Variants in SEMA4F observed in about 807,000 individuals in gnomAD.
The protein encoded by SEMA4F is ssemaphorin 4F, also known as semaphorin-4F.
SEMA4F carries 51 observed loss-of-function variants against 78.4 expected under a neutral mutation model. The ratio of observed to expected loss-of-function variants is 0.65; its 90% confidence interval spans 0.52 to 0.82. The LOEUF (loss-of-function observed/expected upper bound fraction) is 0.82. Ranked by LOEUF, SEMA4F falls within the 40% of genes least tolerant of loss-of-function variation. The pLI is 0.00. For synonymous variants in SEMA4F, 418 were observed against 408.7 expected (o/e 1.02, Z -0.27); for missense variants, 938 against 1,014.4 (o/e 0.92, Z 1.02).
the SEMA4F span, among the ~76,000 whole-genome samples, chr2:74,707,583 T>C: frequency 6.6e-6 from 1 of 152,066 alleles, no homozygotes; most frequent in Non-Finnish European, 1.5e-5. Context: ...CCCTCTTGCC[T>C]GAAACAATAA....
At chr2:74,660,099 A>C (rs1684352050) in intron 4 of SEMA4F, among the ~76,000 whole-genome samples, 1 of 152,238 alleles carries the variant, frequency 6.6e-6, no homozygotes, top group Non-Finnish European at 1.5e-5. Context: ...GCTCTGATGA[A>C]GACTTGGTAT....
In SEMA4F at chr2:74,656,024, T is replaced by G. The variant is rs566354026; in HGVS notation, c.146-510T>G. ...ATATGAGGTTTAGATTTTTTTTTTT[T>G]TTGAAGCGGAGTCTTGCTCTGTCAC... On this transcript the variant is annotated intron_variant, in intron 1 of 13. Coordinates refer to ENST00000357877, the MANE Select transcript of SEMA4F (RefSeq NM_004263.5). Among the ~76,000 whole-genome samples, 3 of 152,206 alleles carry G rather than the reference T, an allele frequency of 2.0e-5. No homozygotes were observed. The East Asian group carries it at 5.8e-4, about 29-fold the overall frequency.
chr2:74,674,911 T>G lies in SEMA4F; in HGVS notation c.1025T>G (p.Val342Gly). The G allele has an allele frequency of 1.9e-6, 3 of 1,614,028 alleles. No individual in the cohort carries two copies. The highest frequency in any genetic ancestry group is 2.5e-6 in the Non-Finnish European group (3 of 1,180,008). Residue 342 changes from valine (V) to glycine (G), a missense_variant, in exon 9 of 14, where the codon GTC (valine) becomes GGC (glycine). Physicochemically the swap from Val to Gly is moderately radical, Grantham distance 109. Transcript: ENST00000357877. Reference protein sequence around the residue: ...SQWEGATISAVCAFRPQDIRT... With the variant: ...SQWEGATISAGCAFRPQDIRT... The stretch of plus-strand genomic sequence containing the variant: ...AGGGAGGGGGCTACTATCTCTGCTG[T>G]CTGTGCCTTCCGACCACAAGACATT...
chr2:74,657,496 TCTC>T, intron 2 of SEMA4F, 66 bp from the exon 3 acceptor site: 2 of 1,454,764 alleles, frequency 1.4e-6, no homozygotes, highest in East Asian at 2.3e-5. Flanking sequence ...AACAGTTTAA[TCTC>T]CTCTAACATC....
chr2:74,659,052 T>A (rs377257231), intron 4 of SEMA4F, among the ~76,000 whole-genome samples: 1 of 152,204 alleles, frequency 6.6e-6, no homozygotes, highest in Admixed American at 6.5e-5. Context: ...GTTGGACTTA[T>A]GTTAAGTCCT....
Position 74,679,953 on chromosome 2 carries a change from G to A in SEMA4F, c.2057G>A (p.Arg686Gln), listed in dbSNP as rs774869919. The A allele has an allele frequency of 7.4e-6, 12 of 1,614,222 alleles. No homozygotes were observed. In the Admixed American group the frequency reaches 8.3e-5, roughly 11 times the overall value. The part of the protein sequence containing the change: ...TLILIGRRQQ[R>Q]RRQRELLARD... ...ATTCTGATTGGTCGGCGTCAGCAGC[G>A]ACGGCGACAGAGGGAACTTCTGGCT... The change falls in exon 14 of 14, where the codon CGA (arginine) becomes CAA (glutamine). Residue 686 changes from arginine to glutamine, a missense_variant. Coordinates refer to ENST00000357877, the MANE Select transcript of SEMA4F (RefSeq NM_004263.5).
chr2:74,673,310 C>T, intron 5 of SEMA4F, 147 bp from the exon 6 acceptor site: 1 of 911,820 alleles, frequency 1.1e-6, no homozygotes, highest in South Asian at 1.7e-5. Flanking sequence ...TGCAATAATG[C>T]CTGTGATGTG....
rs375402877 is a variant in SEMA4F, at chr2:74,673,697, G to A, written c.691G>A (p.Val231Met). ...CCCAGCCCCAGCCTTTGTCGCAGCC[G>A]TGGCCTTGAGCCCAGCCGAATGGGG... ...WLNAPAFVAA[V>M]ALSPAEWGDE... The change falls in exon 7 of 14, where the codon GTG becomes ATG. Residue 231 changes from valine (V) to methionine (M), a missense_variant. Val to Met is a conservative substitution (Grantham distance 21). Coordinates refer to ENST00000357877, the MANE Select transcript of SEMA4F (RefSeq NM_004263.5). The A allele has an allele frequency of 4.8e-5, 77 of 1,613,926 alleles. No individual in the cohort carries two copies. Among genetic ancestry groups the A allele is most frequent in the African/African-American group, 2.1e-4 (16 of 74,912 alleles).
chr2:74,673,130 C>T (rs924752998), intron 5 of SEMA4F, among the ~76,000 whole-genome samples: 7 of 152,160 alleles, frequency 4.6e-5, no homozygotes, highest in African/African-American at 1.7e-4. Flanking sequence ...ACAGTACAAT[C>T]AGCACATTAC....
intron 12 of SEMA4F, among the ~76,000 whole-genome samples, chr2:74,678,310 A>G (rs1224660813): frequency 6.6e-6 from 1 of 152,086 alleles, no homozygotes; most frequent in Non-Finnish European, 1.5e-5. Context: ...GTTCTTGTGT[A>G]CATTGCCCAT....
At chr2:74,685,654 G>A (rs1211030483), downstream of SEMA4F, among the ~76,000 whole-genome samples, 2 of 152,148 alleles carry the variant, frequency 1.3e-5, no homozygotes, top group African/African-American at 4.8e-5. Flanking sequence ...CATGCCCAGG[G>A]AGGACAGGAT....
chr2:74,656,527 C>T lies in SEMA4F; in HGVS notation c.146-7C>T. The T allele has an allele frequency of 6.2e-7, 1 of 1,612,832 alleles. No individual in the cohort carries two copies. The highest frequency in any genetic ancestry group is 8.5e-7 in the Non-Finnish European group (1 of 1,179,014). On this transcript the variant is annotated splice_polypyrimidine_tract_variant and splice_region_variant and intron_variant, in intron 1 of 13. Coordinates refer to ENST00000357877, the MANE Select transcript of SEMA4F (RefSeq NM_004263.5). ...TGGCTAACATCACTCTCCTCTCTTC[C>T]TGCCAGAGGCTGACTCCTGTCTCAC...
In SEMA4F at chr2:74,675,552, G is replaced by T; in HGVS notation, c.1400G>T (p.Arg467Leu). The T allele has an allele frequency of 6.2e-7, 1 of 1,614,058 alleles. No homozygotes were observed. The highest frequency in any genetic ancestry group is 8.5e-7 in the Non-Finnish European group (1 of 1,179,946). Residue 467 changes from arginine to leucine, a missense_variant, in exon 11 of 14, where the codon CGG becomes CTG. Arg to Leu is a moderately radical substitution (Grantham distance 102, BLOSUM62 -2). Transcript: ENST00000357877. Reference protein sequence around the residue: ...TEDGHLHRAVRIGAQLSVLED... With the variant: ...TEDGHLHRAVLIGAQLSVLED... ...GATGGACACCTCCACCGAGCAGTGC[G>T]GATCGGAGCTCAGCTCAGCGTTCTT...
chr2:74,700,646 T>TTA, the SEMA4F span, among the ~76,000 whole-genome samples: 1 of 152,186 alleles, frequency 6.6e-6, no homozygotes, highest in Non-Finnish European at 1.5e-5. Flanking sequence ...GGCACTAGTG[T>TTA]TATCTCCATA....
At chr2:74,683,905 A>G (rs1685746624), downstream of SEMA4F, 1 of 152,188 alleles carries the variant, frequency 6.6e-6, no homozygotes, top group African/African-American at 2.4e-5. Flanking sequence ...CAGCATTTCT[A>G]AAACGATCTG....
the SEMA4F span, among the ~76,000 whole-genome samples, chr2:74,701,303 C>T: frequency 6.6e-6 from 1 of 152,160 alleles, no homozygotes; most frequent in Non-Finnish European, 1.5e-5. Flanking sequence ...CTGGGACCCA[C>T]TAGCTTTTTC....
intron 10 of SEMA4F, 58 bp downstream of exon 10, chr2:74,675,442 G>T (rs1685221798): frequency 1.1e-5 from 18 of 1,594,122 alleles, no homozygotes; most frequent in Non-Finnish European, 1.4e-5. Context: ...TCGTCACAGA[G>T]AGGGTACTGT....
At chr2:74,676,586 A>G (rs1048243378) in intron 12 of SEMA4F, among the ~76,000 whole-genome samples, 17 of 152,106 alleles carry the variant, frequency 1.1e-4, no homozygotes, top group Admixed American at 8.5e-4. Context: ...AGGGACCTCC[A>G]TGCATCCAGT....
chr2:74,696,283 C>T, the SEMA4F span, among the ~76,000 whole-genome samples: 3 of 150,846 alleles, frequency 2.0e-5, no homozygotes, highest in Admixed American at 6.6e-5. Context: ...GCAACCTCCA[C>T]CGCCCAGGTT....
Sources: gnomAD v4.1 joint callset for allele counts (sites outside exome capture counted in the v4.1 genomes callset) on GRCh38, gnomAD v4.1.1 for gene constraint, MANE v1.5 for transcripts, NCBI Gene and HGNC (gene_info 2026-07-23, HGNC 2026-07-21) for gene names.